RIF1: variants seen among roughly 807,000 people sequenced by gnomAD.
RIF1 encodes telomere-associated protein RIF1.
A neutral mutation model predicts 247.1 loss-of-function variants in RIF1; 45 were observed. The ratio of observed to expected loss-of-function variants is 0.18; its 90% CI spans 0.14 to 0.23. The LOEUF (loss-of-function observed/expected upper bound fraction) is 0.23. Among genes scored for constraint, RIF1 ranks in the 10% least tolerant of loss-of-function variants. The pLI is 1.00. For synonymous variants in RIF1, 1,087 were observed against 978.8 expected (o/e 1.11, Z -2.06); for missense variants, 2,967 against 2,862.5 (o/e 1.04, Z -0.83).
rs1218248495 is a variant in RIF1, at chr2:151,478,762, TAAGA to T, written c.*3695_*3698del. ...TCTTCCAACTTTGACTTTAATTCAG[TAAGA>T]AAGGCCTAGGTTTCATCTCATATTC... On this transcript the variant is annotated 3_prime_UTR_variant, in exon 36 of 36. Coordinates refer to ENST00000444746, the MANE Select transcript of RIF1 (RefSeq NM_018151.5). 6.6e-6 allele frequency: 1 copy of T among 152,122 alleles called. No homozygotes were observed. Among genetic ancestry groups the T allele is most frequent in the Non-Finnish European group, 1.5e-5 (1 of 68,022 alleles). The allele number at this position is 152,122 out of a possible 1,614,324, so 9.4% of individuals were successfully genotyped here.
At position 151,409,911 on chromosome 2, in the gene RIF1, C is replaced by G; in HGVS notation, c.-133C>G. ...ACTCCTGGGCCCGCCCAGCCGCCAT[C>G]TTGGTCTAGGAGGGAGCGCGCCGCA... is the stretch of plus-strand genomic sequence containing the variant. On this transcript the variant is annotated 5_prime_UTR_variant, in exon 1 of 36. In the 5' UTR this introduces an upstream ATG that the reference lacks. Transcript: ENST00000444746. The G allele has an allele frequency of 2.9e-6, 2 of 699,488 alleles. No homozygotes were observed. The highest frequency in any genetic ancestry group is 1.5e-5 in the South Asian group (1 of 66,736). 43.3% of individuals were successfully genotyped at this position (699,488 alleles called of 1,614,324 possible). A position where few individuals can be genotyped will look rare whatever the true frequency, so the allele number is the denominator to read the frequency against.
At chr2:151,418,915 A>G (rs73004078) in intron 6 of RIF1, among the ~76,000 whole-genome samples, 105 of 151,424 alleles carry the variant, frequency 6.9e-4, no homozygotes, top group African/African-American at 2.4e-3. Context: ...CAAACATACA[A>G]TTGTGCAAAC....
At chr2:151,507,048 C>T in intron 13 of RIF1, 1 of 1,265,340 alleles carries the variant, frequency 7.9e-7, no homozygotes, top group Non-Finnish European at 1.2e-6. Context: ...GTTAAGATTT[C>T]AACATTGCTT....
chr2:151,463,532 G>A lies in RIF1; in HGVS notation c.4012G>A (p.Val1338Met). ...PPGLLNQTEC[V>M]SDNQVHLSES... Reference sequence around the variant, plus strand: ...TGGTTTGCTTAATCAAACAGAATGTGTGTCAGATAATCAGGTTCATCTTTC... The same window carrying A: ...TGGTTTGCTTAATCAAACAGAATGTATGTCAGATAATCAGGTTCATCTTTC... The change falls in exon 30 of 36, where the codon GTG (valine) becomes ATG (methionine). Residue 1338 changes from valine to methionine, a missense_variant. Val to Met is a conservative substitution (Grantham distance 21). Around this residue, in one of 7 missense-constraint regions of RIF1, gnomAD observed 2,028 missense variants for 1,825.6 expected, o/e 1.11. Coordinates refer to ENST00000444746, the MANE Select transcript of RIF1 (RefSeq NM_018151.5). 1 of 1,614,074 alleles carries A rather than the reference G, an allele frequency of 6.2e-7. No homozygotes were observed. Among genetic ancestry groups the A allele is most frequent in the Non-Finnish European group, 8.5e-7 (1 of 1,179,994 alleles).
intron 27 of RIF1, among the ~76,000 whole-genome samples, chr2:151,461,515 C>G (rs1696153966): frequency 6.6e-6 from 1 of 151,872 alleles, no homozygotes; most frequent in Non-Finnish European, 1.5e-5. Flanking sequence ...CCTCAGCCTC[C>G]CGAGTAGCTG....
In RIF1 at chr2:151,464,586, T is replaced by G; in HGVS notation, c.5066T>G (p.Phe1689Cys). The G allele has an allele frequency of 6.2e-7, 1 of 1,613,542 alleles. No homozygotes were observed. Reference protein sequence around the residue: ...AIKRLHKRDSFDNCSLGESSK... With the variant: ...AIKRLHKRDSCDNCSLGESSK... The stretch of plus-strand genomic sequence containing the variant: ...AAGAGATTACATAAGCGAGACTCTT[T>G]TGATAATTGTAGTTTGGGAGAATCC... Residue 1689 changes from phenylalanine to cysteine, a missense_variant, in exon 30 of 36, where the codon TTT becomes TGT. By Grantham distance (205) the Phe-to-Cys change is radical. This residue lies in a region of RIF1 where 2,028 missense variants were observed against 1,825.6 expected (regional missense o/e 1.11). Coordinates refer to ENST00000444746, the MANE Select transcript of RIF1 (RefSeq NM_018151.5).
At chr2:151,492,701 C>G in intron 9 of RIF1, 1 of 371,506 alleles carries the variant, frequency 2.7e-6, no homozygotes. Flanking sequence ...GTTTTGACTT[C>G]GAAAATGAAA....
intron 3 of RIF1, 110 bp from the exon 4 acceptor site, chr2:151,414,713 A>T: frequency 3.0e-6 from 2 of 673,634 alleles, no homozygotes; most frequent in Non-Finnish European, 5.1e-6. Flanking sequence ...ATTCTCAAGG[A>T]TTTGTTGGAG....
chr2:151,460,223 G>T (rs563190683), intron 26 of RIF1, 104 bp downstream of exon 26: 3 of 941,730 alleles, frequency 3.2e-6, no homozygotes, highest in Non-Finnish European at 4.5e-6. Flanking sequence ...CTAAATAAAG[G>T]TTGGGATTGC....
chr2:151,511,083 A>G (rs554715984), downstream of RIF1, among the ~76,000 whole-genome samples: 1 of 152,338 alleles, frequency 6.6e-6, no homozygotes, highest in South Asian at 2.1e-4. Flanking sequence ...AAGTGACGTG[A>G]TCCCACACTG....
chr2:151,433,223 G>A lies in RIF1; in HGVS notation c.1072G>A (p.Glu358Lys). ...TGGACCTCATCTTCCTGCTAATTTTGAACAGGTAACATTACAAGTGTTGAC... is the reference window on the plus strand; with the variant it reads ...TGGACCTCATCTTCCTGCTAATTTTAAACAGGTAACATTACAAGTGTTGAC... The part of the protein sequence containing the change: ...RLGPHLPANF[E>K]QVCVPLIQST... Residue 358 changes from glutamate to lysine, a missense_variant, in exon 10 of 36, where the codon GAA becomes AAA. Around this residue, in one of 7 missense-constraint regions of RIF1, gnomAD observed 71 missense variants for 132.9 expected, o/e 0.53. Coordinates refer to ENST00000444746, the MANE Select transcript of RIF1 (RefSeq NM_018151.5). The A allele has an allele frequency of 2.5e-6, 4 of 1,611,022 alleles. No homozygotes were observed. Among genetic ancestry groups the A allele is most frequent in the Non-Finnish European group, 3.4e-6 (4 of 1,177,976 alleles).
the RIF1 span, chr2:151,531,064 C>T: frequency 1.2e-6 from 2 of 1,613,432 alleles, no homozygotes; most frequent in Non-Finnish European, 1.7e-6. Context: ...GGTGTAGCCT[C>T]TGGGTTTGGC....
intron 9 of RIF1, chr2:151,491,744 C>G (rs766453942): frequency 1.3e-6 from 2 of 1,596,056 alleles, no homozygotes; most frequent in South Asian, 2.3e-5. Context: ...AGTCAAAAAC[C>G]GAACCAGGAT....
At chr2:151,525,073 G>C in the RIF1 span, 1 of 962,174 alleles carries the variant, frequency 1.0e-6, no homozygotes. Flanking sequence ...AGAGGAATTA[G>C]AGTGACCACA....
At chr2:151,485,771 C>T, downstream of RIF1, 3 of 1,610,292 alleles carry the variant, frequency 1.9e-6, no homozygotes, top group Non-Finnish European at 2.5e-6. Context: ...TAAATAGCTT[C>T]AACGTAGTTG....
chr2:151,411,356 A>T lies in RIF1; in HGVS notation c.183+18A>T. On this transcript the variant is annotated intron_variant, in intron 3 of 35. Transcript: ENST00000444746. ...TTTTAAAGGTATGTATCTGTTTGTTAAACAGTTTTTCACTTTTGGTAGTTT... is the reference window on the plus strand; with the variant it reads ...TTTTAAAGGTATGTATCTGTTTGTTTAACAGTTTTTCACTTTTGGTAGTTT... 1 of 1,491,530 alleles carries T rather than the reference A, an allele frequency of 6.7e-7. No homozygotes were observed. Among genetic ancestry groups the T allele is most frequent in the South Asian group, 1.2e-5 (1 of 82,518 alleles). The allele number at this position is 1,491,530 out of a possible 1,614,324, so 92.4% of individuals were successfully genotyped here. A position where few individuals can be genotyped will look rare whatever the true frequency, so the allele number is the denominator to read the frequency against.
intron 26 of RIF1, 114 bp downstream of exon 26, chr2:151,460,233 C>T (rs1695911924): frequency 2.4e-6 from 2 of 845,906 alleles, no homozygotes; most frequent in Admixed American, 3.7e-5. Flanking sequence ...GTTGGGATTG[C>T]AGGGGAATTG....
At chr2:151,495,890 C>A (rs191479433) in intron 10 of RIF1, among the ~76,000 whole-genome samples, 36 of 152,216 alleles carry the variant, frequency 2.4e-4, no homozygotes, top group African/African-American at 7.7e-4. Flanking sequence ...GTCATTGACA[C>A]AAAAACACAA....
intron 6 of RIF1, among the ~76,000 whole-genome samples, chr2:151,419,634 TATC>T (rs1180937944): frequency 2.6e-5 from 4 of 152,178 alleles, no homozygotes; most frequent in African/African-American, 9.7e-5. Flanking sequence ...GGTCATTTAT[TATC>T]ATTATCATAT....
Sources: allele counts gnomAD v4.1 joint callset (sites outside exome capture counted in the v4.1 genomes callset), GRCh38; gene constraint gnomAD v4.1.1; regional missense constraint gnomAD v4.1.1; transcripts MANE v1.5; gene names NCBI Gene and HGNC (gene_info 2026-07-23, HGNC 2026-07-21).